The following NSRP1 variants were observed in gnomAD, a reference collection of about 807,000 sequenced individuals.
NSRP1 encodes coiled-coil domain containing 55.
NSRP1 carries 24 observed loss-of-function variants against 54.7 expected under a neutral mutation model. The ratio of observed to expected loss-of-function variants is 0.44; its 90% CI spans 0.32 to 0.62. The LOEUF (loss-of-function observed/expected upper bound fraction) is 0.62. Among genes scored for constraint, NSRP1 ranks in the 20% least tolerant of loss-of-function variants. The pLI, the probability that NSRP1 is intolerant of heterozygous loss-of-function variation, is 0.06. For synonymous variants in NSRP1, 210 were observed against 213.8 expected (o/e 0.98, Z 0.15); for missense variants, 596 against 651.2 (o/e 0.92, Z 0.92).
chr17:30,176,554 G>A (rs1222050269), intron 3 of NSRP1, among the ~76,000 whole-genome samples: 8 of 149,746 alleles, frequency 5.3e-5, no homozygotes, highest in Admixed American at 1.3e-4. Context: ...AGGTTGCAGC[G>A]AGCCAAGATC....
chr17:30,151,103 G>A (rs2071905163), intron 2 of NSRP1, among the ~76,000 whole-genome samples: 1 of 152,086 alleles, frequency 6.6e-6, no homozygotes, highest in South Asian at 2.1e-4. Flanking sequence ...ATGATGTTGA[G>A]CACCTTTTCA....
intron 1 of NSRP1, 129 bp downstream of exon 1, chr17:30,116,992 C>G (rs1027224438): frequency 3.3e-6 from 4 of 1,210,712 alleles, no homozygotes; most frequent in Non-Finnish European, 4.8e-6. Flanking sequence ...CGGGAAAAAA[C>G]GAGAAGTCCT....
At chr17:30,170,456 T>C (rs1904889040) in intron 2 of NSRP1, among the ~76,000 whole-genome samples, 1 of 152,170 alleles carries the variant, frequency 6.6e-6, no homozygotes, top group African/African-American at 2.4e-5. Context: ...TCCCATTTCC[T>C]CTCACCCCAC....
At chr17:30,181,454 G>A (rs1393671119) in intron 6 of NSRP1, among the ~76,000 whole-genome samples, 1 of 146,180 alleles carries the variant, frequency 6.8e-6, no homozygotes, top group African/African-American at 2.5e-5. Flanking sequence ...GGTGGATGGA[G>A]TACAGTGGTT....
intron 2 of NSRP1, among the ~76,000 whole-genome samples, chr17:30,122,014 A>C (rs1007986125): frequency 2.6e-5 from 4 of 151,924 alleles, no homozygotes; most frequent in Non-Finnish European, 4.4e-5. Flanking sequence ...TTCTGTTTCT[A>C]TGGGTTTCCC....
At chr17:30,161,830 G>T (rs910832532) in intron 2 of NSRP1, among the ~76,000 whole-genome samples, 4 of 152,118 alleles carry the variant, frequency 2.6e-5, no homozygotes. Flanking sequence ...TGTTGTAAGA[G>T]TATGTCTTTG....
intron 2 of NSRP1, among the ~76,000 whole-genome samples, chr17:30,168,626 GTATC>G (rs1194127897): frequency 6.7e-6 from 1 of 149,124 alleles, no homozygotes; most frequent in Non-Finnish European, 1.5e-5. Flanking sequence ...AATAAAATAA[GTATC>G]TGCTCTTTTA....
chr17:30,135,432 G>A (rs1381468195), intron 2 of NSRP1, among the ~76,000 whole-genome samples: 1 of 150,480 alleles, frequency 6.6e-6, no homozygotes, highest in African/African-American at 2.4e-5. Context: ...GCGCTTATCA[G>A]AGTTAACTTA....
chr17:30,138,909 G>GGTT (rs2071774173), intron 2 of NSRP1, among the ~76,000 whole-genome samples: 1 of 58,140 alleles, frequency 1.7e-5, no homozygotes, highest in African/African-American at 6.4e-5. Context: ...AAGTCTTAGC[G>GGTT]TTTTTTTTTT....
intron 1 of NSRP1, chr17:30,117,643 G>GT (rs2151869340): frequency 3.0e-6 from 1 of 329,936 alleles, no homozygotes; most frequent in Non-Finnish European, 5.5e-6. Flanking sequence ...TAGAAACTGT[G>GT]TAAGTACACA....
chr17:30,163,492 G>T (rs1341721103), intron 2 of NSRP1, among the ~76,000 whole-genome samples: 1 of 152,034 alleles, frequency 6.6e-6, no homozygotes, highest in Non-Finnish European at 1.5e-5. Context: ...TAACGGTAAA[G>T]ATTTTTTATT....
At chr17:30,166,675 CA>C (rs1904739601) in intron 2 of NSRP1, among the ~76,000 whole-genome samples, 1 of 152,146 alleles carries the variant, frequency 6.6e-6, no homozygotes, top group South Asian at 2.1e-4. Flanking sequence ...ATAATCCTAG[CA>C]CTTTGGGAGG....
intron 5 of NSRP1, among the ~76,000 whole-genome samples, chr17:30,179,656 A>C (rs1343440119): frequency 6.6e-6 from 1 of 152,078 alleles, no homozygotes; most frequent in Non-Finnish European, 1.5e-5. Flanking sequence ...CCCTAGTTAC[A>C]TTTTTTTGGG....
chr17:30,154,338 A>G (rs1033582349), intron 2 of NSRP1: 5 of 150,304 alleles, frequency 3.3e-5, no homozygotes, highest in Non-Finnish European at 7.4e-5. Flanking sequence ...AAAAAGATAT[A>G]TTAAGTTTTA....
intron 2 of NSRP1, among the ~76,000 whole-genome samples, chr17:30,145,680 C>T (rs1032303022): frequency 5.3e-5 from 8 of 151,964 alleles, no homozygotes; most frequent in East Asian, 3.9e-4. Context: ...TCTCATCAGC[C>T]GTTTATTTAT....
intron 2 of NSRP1, among the ~76,000 whole-genome samples, chr17:30,145,283 T>G (rs746038099): frequency 1.1e-4 from 16 of 151,122 alleles, no homozygotes; most frequent in Non-Finnish European, 1.9e-4. Flanking sequence ...AGGGTATGTA[T>G]ATAAATTATT....
chr17:30,183,805 G>T (rs909604038), intron 6 of NSRP1, among the ~76,000 whole-genome samples: 4 of 152,128 alleles, frequency 2.6e-5, no homozygotes, highest in African/African-American at 9.7e-5. Flanking sequence ...AGTGAATCAG[G>T]ATACACTCAT....
chr17:30,117,193 A>T lies in NSRP1; in HGVS notation c.20+330A>T, dbSNP rs370599278. 4 of 685,226 alleles carry T rather than the reference A, an allele frequency of 5.8e-6. No homozygotes were observed. In the African/African-American group the frequency reaches 7.2e-5, roughly 12 times the overall value. 42.4% of individuals were successfully genotyped at this position (685,226 alleles called of 1,614,324 possible). On this transcript the variant is annotated intron_variant, in intron 1 of 6. Transcript: ENST00000247026. ...CGCGCTTGAGTTTCTCCCCGCTTGGATGCTCTCAGGGGCAGTGTGAAGAGA... is the reference window on the plus strand; with the variant it reads ...CGCGCTTGAGTTTCTCCCCGCTTGGTTGCTCTCAGGGGCAGTGTGAAGAGA...
At chr17:30,180,882 T>G (rs754053041) in intron 5 of NSRP1, 26 bp from the exon 6 acceptor site, 1 of 1,389,896 alleles carries the variant, frequency 7.2e-7, no homozygotes, top group East Asian at 2.3e-5. Flanking sequence ...TTGAATATAT[T>G]CTAATTTTTG....
Sources: allele counts gnomAD v4.1 joint callset (sites outside exome capture counted in the v4.1 genomes callset), GRCh38; gene constraint gnomAD v4.1.1; transcripts MANE v1.5; gene names NCBI Gene and HGNC (gene_info 2026-07-23, HGNC 2026-07-21).